The following VPS13B variants were observed in gnomAD, a reference collection of about 807,000 sequenced individuals.
The protein encoded by VPS13B is intermembrane lipid transfer protein VPS13B.
VPS13B carries 285 observed loss-of-function variants against 426.4 expected under a neutral mutation model. The observed-to-expected ratio is 0.67, with a 90% CI of 0.61 to 0.74. The LOEUF (loss-of-function observed/expected upper bound fraction) is 0.74, where lower values mean the gene tolerates loss of function less well. VPS13B is among the 30% of genes least tolerant of loss of function. The probability of loss-of-function intolerance (pLI) is 0.00; values close to 1 mark genes in which losing one functional copy is unlikely to be tolerated. For missense variants in VPS13B, 4,537 were observed against 4,782.6 expected, an observed-to-expected ratio of 0.95 and a Z score of 1.51; for synonymous variants, 1,676 against 1,676.4, an observed-to-expected ratio of 1.00 and a Z score of 0.01.
chr8:99,066,985 A>G (rs1437046110), intron 3 of VPS13B, among the ~76,000 whole-genome samples: 1 of 152,240 alleles, frequency 6.6e-6, no homozygotes, highest in African/African-American at 2.4e-5. Flanking sequence ...TTAGAAAGTC[A>G]GGAAACAACA....
At chr8:99,213,142 T>TA (rs1056756995) in intron 17 of VPS13B, among the ~76,000 whole-genome samples, 3 of 152,196 alleles carry the variant, frequency 2.0e-5, no homozygotes, top group African/African-American at 7.2e-5. Context: ...AGCTGGGTAA[T>TA]ATGGCGTGTG....
rs1180933570 is a variant in VPS13B, at chr8:99,871,622, CTG to C, written c.11673_11674del (p.Ala3892ThrfsTer21). On this transcript the variant is annotated frameshift_variant, in exon 61 of 62. Transcript: ENST00000357162. LOFTEE classifies it high-confidence loss of function. ...QQAFPVTEID[C>X]AQDSKQNNLL... is the part of the protein sequence containing the mutation. ...AGGCCTTCCCCGTCACAGAAATCGA[CTG>C]TGCACAGGACAGCAAGCAGAACAAC... The C allele has an allele frequency of 1.4e-5, 22 of 1,614,108 alleles. No homozygotes were observed. The highest frequency in any genetic ancestry group is 1.5e-5 in the Non-Finnish European group (18 of 1,180,060).
Position 99,821,446 on chromosome 8 carries a change from T to C in VPS13B, c.9147T>C (p.Thr3049=), listed in dbSNP as rs2130822258. 1 of 1,613,868 alleles carries C rather than the reference T, an allele frequency of 6.2e-7. No individual in the cohort carries two copies. The highest frequency in any genetic ancestry group is 1.3e-5 in the African/African-American group (1 of 75,032). Residue 3049 remains threonine (T), a synonymous_variant, in exon 50 of 62, where the codon ACT becomes ACC. Coordinates refer to ENST00000357162, the MANE Select transcript of VPS13B (RefSeq NM_152564.5). ...VTLDEEAFVD[T]EIRLGAFPGH... ...TGGATGAAGAAGCGTTTGTTGATAC[T>C]GAAATAAGACTTGGTGCTTTTCCAG...
At chr8:99,295,262 G>T (rs906096511) in intron 19 of VPS13B, among the ~76,000 whole-genome samples, 1 of 152,040 alleles carries the variant, frequency 6.6e-6, no homozygotes, top group Non-Finnish European at 1.5e-5. Flanking sequence ...TTATATACAG[G>T]TTAATGATAC....
At chr8:99,315,583 T>C (rs1039702454) in intron 19 of VPS13B, among the ~76,000 whole-genome samples, 2 of 151,932 alleles carry the variant, frequency 1.3e-5, no homozygotes, top group African/African-American at 4.8e-5. Context: ...CTCTTATATC[T>C]CAATGAGCTT....
rs564790698 is a variant in VPS13B, at chr8:99,270,777, C to T, written c.2516-3421C>T. ...ATTGGTATTGAATGAGAGTTTGACC[C>T]TTAAGGCTTGAGAGCCAGGGGAGGG... On this transcript the variant is annotated intron_variant, in intron 17 of 61. Transcript: ENST00000357162. 3.9e-5 allele frequency among the ~76,000 whole-genome samples: 6 copies of T among 152,192 alleles called. No individual in the cohort carries two copies. The East Asian group carries it at 1.2e-3, about 29-fold the overall frequency.
intron 16 of VPS13B, among the ~76,000 whole-genome samples, chr8:99,172,968 A>C (rs1215563451): frequency 6.6e-6 from 1 of 152,130 alleles, no homozygotes; most frequent in Non-Finnish European, 1.5e-5. Flanking sequence ...TGAGAAGTTT[A>C]TACTTGGATT....
Position 99,265,528 on chromosome 8 carries a change from T to A in VPS13B, c.2516-8670T>A, listed in dbSNP as rs150033324. ...CCTTTTAGCATATGGTTGTATCTCA[T>A]ATTCCTTAGTTGAGAGTCCTCCTGG... On this transcript the variant is annotated intron_variant, in intron 17 of 61. Coordinates refer to ENST00000357162, the MANE Select transcript of VPS13B (RefSeq NM_152564.5). Among the ~76,000 whole-genome samples the A allele has an allele frequency of 3.9e-4, 60 of 152,286 alleles. 1 individual carries two copies. Among genetic ancestry groups the A allele is most frequent in the Admixed American group, 7.2e-4 (11 of 15,296 alleles).
chr8:99,682,186 C>G (rs1213618316), intron 35 of VPS13B, among the ~76,000 whole-genome samples: 1 of 152,118 alleles, frequency 6.6e-6, no homozygotes, highest in African/African-American at 2.4e-5. Flanking sequence ...TTAGTGCTGT[C>G]CAAGCATGGT....
At chr8:99,606,516 A>AAAAAAG (rs1037280441) in intron 33 of VPS13B, among the ~76,000 whole-genome samples, 3 of 149,578 alleles carry the variant, frequency 2.0e-5, no homozygotes, top group Non-Finnish European at 4.4e-5. Context: ...AAAAAAAAAG[A>AAAAAAG]AAAAAGAAAA....
chr8:99,563,482 G>T (rs1825033130), intron 31 of VPS13B, among the ~76,000 whole-genome samples: 1 of 152,042 alleles, frequency 6.6e-6, no homozygotes, highest in African/African-American at 2.4e-5. Context: ...TTAATGCAAA[G>T]TTCACATAGG....
rs117770750 is a variant in VPS13B, at chr8:99,604,997, G to C, written c.5220+27364G>C. Reference sequence around the variant, plus strand: ...TAACTCTCAAAAACATTTAAAAATCGGTTAATAGTACAGATTGCAACTGTA... The same window carrying C: ...TAACTCTCAAAAACATTTAAAAATCCGTTAATAGTACAGATTGCAACTGTA... On this transcript the variant is annotated intron_variant, in intron 33 of 61. Transcript: ENST00000357162. 1.7e-3 allele frequency among the ~76,000 whole-genome samples: 260 copies of C among 152,210 alleles called. 2 individuals are homozygous for C. In the East Asian group the frequency reaches 0.046, roughly 27 times the overall value.
intron 3 of VPS13B, among the ~76,000 whole-genome samples, chr8:99,082,084 T>C (rs1398331446): frequency 6.6e-6 from 1 of 152,222 alleles, no homozygotes; most frequent in East Asian, 1.9e-4. Context: ...ACCAACAGTG[T>C]AAAAGTGTTC....
At chr8:99,461,340 G>A (rs532894398) in intron 23 of VPS13B, among the ~76,000 whole-genome samples, 13 of 152,188 alleles carry the variant, frequency 8.5e-5, no homozygotes, top group Non-Finnish European at 1.6e-4. Context: ...TAGCACAAAT[G>A]TATGATTACA....
chr8:99,767,643 A>T (rs1195473292), intron 40 of VPS13B, among the ~76,000 whole-genome samples: 4 of 152,068 alleles, frequency 2.6e-5, no homozygotes, highest in Admixed American at 6.5e-5. Context: ...GAATCCCTAG[A>T]GCTGGCCGGG....
chr8:99,033,212 G>T (rs1392514826), intron 2 of VPS13B, among the ~76,000 whole-genome samples: 19 of 152,080 alleles, frequency 1.2e-4, no homozygotes, highest in Admixed American at 1.2e-3. Context: ...TTAATATTCT[G>T]CTAGGAATCA....
At chr8:99,618,914 A>G (rs1006111737) in intron 33 of VPS13B, among the ~76,000 whole-genome samples, 119 of 152,320 alleles carry the variant, frequency 7.8e-4, no homozygotes, top group African/African-American at 2.8e-3. Context: ...AGGTGACTCC[A>G]GAATGATCTC....
chr8:99,035,249 T>A (rs1166580633), intron 2 of VPS13B, among the ~76,000 whole-genome samples: 3 of 152,158 alleles, frequency 2.0e-5, no homozygotes, highest in Non-Finnish European at 4.4e-5. Flanking sequence ...TATATGCACA[T>A]CCTTGTGTAG....
intron 33 of VPS13B, among the ~76,000 whole-genome samples, chr8:99,630,475 C>G (rs1055190531): frequency 6.6e-6 from 1 of 152,066 alleles, no homozygotes; most frequent in African/African-American, 2.4e-5. Flanking sequence ...GAGTACATCT[C>G]TAACCTAGAA....
Sources: gnomAD v4.1 joint callset for allele counts (sites outside exome capture counted in the v4.1 genomes callset) on GRCh38, gnomAD v4.1.1 for gene constraint, MANE v1.5 for transcripts, NCBI Gene and HGNC (gene_info 2026-07-23, HGNC 2026-07-21) for gene names.